DAPK1: variants seen among roughly 807,000 people sequenced by gnomAD.
DAPK1 encodes death-associated protein kinase 1.
DAPK1 carries 56 observed loss-of-function variants against 144.9 expected under a neutral mutation model. The observed-to-expected ratio is 0.39, with a 90% CI of 0.31 to 0.48. The LOEUF is 0.48. DAPK1 is among the 20% of genes least tolerant of loss of function. DAPK1 has a pLI of 0.95. For synonymous variants in DAPK1, 690 were observed against 749.0 expected (o/e 0.92, Z 1.29); for missense variants, 1,454 against 1,875.4 (o/e 0.78, Z 4.15).
intron 17 of DAPK1, 145 bp downstream of exon 17, chr9:87,651,869 C>G (rs369074665): frequency 1.7e-6 from 1 of 604,214 alleles, no homozygotes; most frequent in East Asian, 3.0e-5. Flanking sequence ...CTGTGTCCTC[C>G]CACCTGATCC....
intron 18 of DAPK1, among the ~76,000 whole-genome samples, chr9:87,663,589 C>T (rs562235263): frequency 2.0e-5 from 3 of 152,254 alleles, no homozygotes; most frequent in East Asian, 1.9e-4. Context: ...AAAGTCCCCG[C>T]GTCCTGCTTC....
At chr9:87,510,865 G>C (rs1252956713) in intron 2 of DAPK1, among the ~76,000 whole-genome samples, 1 of 151,720 alleles carries the variant, frequency 6.6e-6, no homozygotes, top group Admixed American at 6.5e-5. Flanking sequence ...AGTCATCACG[G>C]CTAATTCATA....
rs997251357 is a variant in DAPK1, at chr9:87,604,889, C to T, written c.63-65C>T. ...TCTCTTGTCCCCCTCTGCACCATGC[C>T]ACATCCTCACTCAAATCCTGTTTTT... On this transcript the variant is annotated intron_variant, in intron 2 of 25. Coordinates refer to ENST00000408954, the MANE Select transcript of DAPK1 (RefSeq NM_004938.4). 11 of 1,478,766 alleles carry T rather than the reference C, an allele frequency of 7.4e-6. No individual in the cohort carries two copies. In the Admixed American group the frequency reaches 1.6e-4, roughly 22 times the overall value. 91.6% of individuals were successfully genotyped at this position (1,478,766 alleles called of 1,614,324 possible).
At chr9:87,509,114 T>C in intron 2 of DAPK1, among the ~76,000 whole-genome samples, 1 of 152,146 alleles carries the variant, frequency 6.6e-6, no homozygotes, top group East Asian at 1.9e-4. Flanking sequence ...TTTAATAGAC[T>C]AGGAATTACA....
At chr9:87,666,675 T>C (rs910947677) in intron 18 of DAPK1, among the ~76,000 whole-genome samples, 4 of 152,022 alleles carry the variant, frequency 2.6e-5, no homozygotes, top group East Asian at 1.9e-4. Flanking sequence ...GGTTTCACCA[T>C]GTTGGGCAGG....
rs574773431 is a variant in DAPK1 at position 87,499,149 on chromosome 9, G to A, written c.62+10G>A. 9 of 1,612,070 alleles carry A rather than the reference G, an allele frequency of 5.6e-6. No individual in the cohort carries two copies. Among genetic ancestry groups the A allele is most frequent in the Non-Finnish European group, 7.6e-6 (9 of 1,178,170 alleles). ...GCGAGGAACTTGGCAGGTAAAGGGG[G>A]TACCAGAAGCGTACCCTCCTGGATT... On this transcript the variant is annotated intron_variant, in intron 2 of 25. Transcript: ENST00000408954.
intron 19 of DAPK1, chr9:87,668,936 A>G: frequency 2.5e-6 from 1 of 397,908 alleles, no homozygotes; most frequent in East Asian, 4.7e-5. Context: ...CTCTCTCTAT[A>G]ATAAACCACT....
chr9:87,588,693 T>C (rs951144446), intron 2 of DAPK1, among the ~76,000 whole-genome samples: 3 of 152,150 alleles, frequency 2.0e-5, no homozygotes, highest in Non-Finnish European at 4.4e-5. Context: ...ACTAGAGAAG[T>C]TGATGGAAAT....
chr9:87,639,562 C>T, intron 5 of DAPK1, 79 bp downstream of exon 5: 1 of 1,609,430 alleles, frequency 6.2e-7, no homozygotes, highest in South Asian at 1.1e-5. Flanking sequence ...AAGATTCTTT[C>T]CCTGCTACAT....
chr9:87,632,666 A>G, intron 3 of DAPK1: 5 of 983,136 alleles, frequency 5.1e-6, no homozygotes, highest in South Asian at 4.7e-5. Flanking sequence ...CTGTGTAGAA[A>G]TGAAGGAAGA....
chr9:87,622,086 G>A (rs1829315281), intron 3 of DAPK1, among the ~76,000 whole-genome samples: 1 of 151,014 alleles, frequency 6.6e-6, no homozygotes, highest in South Asian at 2.1e-4. Context: ...TGAGTTGATG[G>A]CCTCTACCAT....
In DAPK1 at chr9:87,697,194, A is replaced by G; in HGVS notation, c.2601A>G (p.Glu867=). The change falls in exon 22 of 26, where the codon GAA becomes GAG. Residue 867 remains glutamate (E), a synonymous_variant. Transcript: ENST00000408954. ...TCCTGAAGTCCCTTGTCCCAGTTGA[A>G]GAACCCATAGGTGAGCTAAGTCCCT... The part of the protein sequence containing the change: ...LSFLKSLVPV[E]EPIAFGGKLK... The G allele has an allele frequency of 6.6e-7, 1 of 1,520,086 alleles. No individual in the cohort carries two copies. The highest frequency in any genetic ancestry group is 9.1e-7 in the Non-Finnish European group (1 of 1,094,222). 94.2% of individuals were successfully genotyped at this position (1,520,086 alleles called of 1,614,324 possible).
intron 2 of DAPK1, among the ~76,000 whole-genome samples, chr9:87,581,337 A>G (rs1827746826): frequency 6.6e-6 from 1 of 152,156 alleles, no homozygotes; most frequent in African/African-American, 2.4e-5. Flanking sequence ...TCCTGATATT[A>G]AGTAAATAGG....
rs759598995 is a variant in DAPK1 at position 87,499,123 on chromosome 9, G to C, written c.46G>C (p.Gly16Arg). Reference sequence around the variant, plus strand: ...AAACGTGGATGATTACTACGACACCGGCGAGGAACTTGGCAGGTAAAGGGG... The same window carrying C: ...AAACGTGGATGATTACTACGACACCCGCGAGGAACTTGGCAGGTAAAGGGG... ...QENVDDYYDT[G>R]EELGSGQFAV... The change falls in exon 2 of 26, where the codon GGC (glycine) becomes CGC (arginine). Residue 16 changes from glycine to arginine, a missense_variant. Gly to Arg is a moderately radical substitution (Grantham distance 125). Coordinates refer to ENST00000408954, the MANE Select transcript of DAPK1 (RefSeq NM_004938.4). 1.6e-5 allele frequency: 26 copies of C among 1,614,000 alleles called. No homozygotes were observed. The highest frequency in any genetic ancestry group is 1.9e-5 in the Non-Finnish European group (22 of 1,179,922).
intron 19 of DAPK1, among the ~76,000 whole-genome samples, chr9:87,675,507 A>T (rs978436581): frequency 2.6e-5 from 4 of 152,046 alleles, no homozygotes; most frequent in African/African-American, 9.7e-5. Flanking sequence ...CAGGCAGAGA[A>T]CAATGCCCGA....
intron 2 of DAPK1, among the ~76,000 whole-genome samples, chr9:87,556,390 A>ATG (rs1383413869): frequency 2.6e-5 from 4 of 151,952 alleles, no homozygotes; most frequent in East Asian, 1.9e-4. Flanking sequence ...ACGTGTGTGT[A>ATG]CCTGTACCCA....
chr9:87,501,835 G>C (rs1824414236), intron 2 of DAPK1, among the ~76,000 whole-genome samples: 2 of 152,218 alleles, frequency 1.3e-5, no homozygotes, highest in South Asian at 4.1e-4. Flanking sequence ...ATCTGCAGCA[G>C]TAATAGAGCA....
intron 19 of DAPK1, among the ~76,000 whole-genome samples, chr9:87,672,416 A>G (rs1473912136): frequency 1.3e-5 from 2 of 152,106 alleles, no homozygotes; most frequent in African/African-American, 4.8e-5. Context: ...AATACCTGTG[A>G]TCTGCTTTTA....
chr9:87,582,335 G>C (rs1389764267), intron 2 of DAPK1, among the ~76,000 whole-genome samples: 7 of 152,170 alleles, frequency 4.6e-5, no homozygotes, highest in African/African-American at 1.7e-4. Context: ...GATCATTAGC[G>C]TCTCTGGGAC....
Sources: allele counts gnomAD v4.1 joint callset (sites outside exome capture counted in the v4.1 genomes callset), GRCh38; gene constraint gnomAD v4.1.1; transcripts MANE v1.5; gene names NCBI Gene and HGNC (gene_info 2026-07-23, HGNC 2026-07-21).